Variants in LHFPL3 observed in about 807,000 individuals in gnomAD.
The protein encoded by LHFPL3 is LHFPL tetraspan subfamily member 3.
In LHFPL3, 5 loss-of-function variants were observed where a neutral mutation model predicts 19.3. The observed-to-expected ratio is 0.26, with a 90% CI of 0.14 to 0.54. The LOEUF is 0.54. LHFPL3 is among the 20% of genes least tolerant of loss of function. LHFPL3 has a pLI of 0.94. For synonymous variants in LHFPL3, 133 were observed against 126.2 expected (o/e 1.05, Z -0.36); for missense variants, 249 against 307.4 (o/e 0.81, Z 1.42).
At position 104,343,340 on chromosome 7, in the gene LHFPL3, C is replaced by G. The variant is rs541742838; in HGVS notation, c.445+14116C>G. Among the ~76,000 whole-genome samples the G allele has an allele frequency of 6.3e-4, 95 of 151,436 alleles. 1 individual carries two copies. The highest frequency in any genetic ancestry group is 2.0e-3 in the African/African-American group (84 of 41,330). On this transcript the variant is annotated intron_variant, in intron 1 of 2. Transcript: ENST00000424859. ...CCAGCCTGGCCAACAGAGTGAAACC[C>G]CATCTCTACTAAAAATACAAAAATT...
intron 1 of LHFPL3, among the ~76,000 whole-genome samples, chr7:104,477,158 T>G (rs1793037797): frequency 6.6e-6 from 1 of 152,034 alleles, no homozygotes; most frequent in South Asian, 2.1e-4. Flanking sequence ...CCCAGCTATA[T>G]TTTTAATTTT....
At chr7:104,470,782 C>A (rs183700514) in intron 1 of LHFPL3, among the ~76,000 whole-genome samples, 1 of 152,264 alleles carries the variant, frequency 6.6e-6, no homozygotes, top group East Asian at 1.9e-4. Flanking sequence ...CATGTAGGAG[C>A]CTTTGCCTTG....
intron 1 of LHFPL3, among the ~76,000 whole-genome samples, chr7:104,370,165 T>C (rs1441147023): frequency 2.0e-5 from 3 of 152,118 alleles, no homozygotes; most frequent in Admixed American, 2.0e-4. Context: ...ATTTAGAAGC[T>C]TGGAGAAGGA....
chr7:104,862,103 A>G (rs1261033770), intron 2 of LHFPL3, among the ~76,000 whole-genome samples: 1 of 152,192 alleles, frequency 6.6e-6, no homozygotes, highest in Non-Finnish European at 1.5e-5. Context: ...AAGGGGTAAA[A>G]GGAAATCACC....
chr7:104,778,875 G>C (rs944119337), intron 2 of LHFPL3, among the ~76,000 whole-genome samples: 17 of 152,236 alleles, frequency 1.1e-4, no homozygotes, highest in Non-Finnish European at 7.3e-5. Flanking sequence ...AGAGATGTCA[G>C]AAGGGTTCAG....
chr7:104,640,908 T>C (rs989725875), intron 1 of LHFPL3, among the ~76,000 whole-genome samples: 1 of 152,204 alleles, frequency 6.6e-6, no homozygotes, highest in African/African-American at 2.4e-5. Flanking sequence ...GCTCAGATAT[T>C]ATCAAATATT....
chr7:104,408,793 T>A (rs1206357604), intron 1 of LHFPL3, among the ~76,000 whole-genome samples: 1 of 152,024 alleles, frequency 6.6e-6, no homozygotes, highest in Non-Finnish European at 1.5e-5. Flanking sequence ...AGACTAGCAA[T>A]GTCTGCCTTT....
intron 1 of LHFPL3, among the ~76,000 whole-genome samples, chr7:104,433,689 C>T (rs1792044386): frequency 1.3e-5 from 2 of 152,198 alleles, no homozygotes; most frequent in South Asian, 2.1e-4. Context: ...TTTGCCCCTA[C>T]GGTTCCTTTT....
chr7:104,349,210 A>G (rs2116385181), intron 1 of LHFPL3, among the ~76,000 whole-genome samples: 1 of 152,378 alleles, frequency 6.6e-6, no homozygotes, highest in South Asian at 2.1e-4. Context: ...GTCTCCTTCA[A>G]AATATAGCAG....
chr7:104,362,802 T>C (rs916950999), intron 1 of LHFPL3, among the ~76,000 whole-genome samples: 5 of 152,206 alleles, frequency 3.3e-5, no homozygotes, highest in Non-Finnish European at 7.3e-5. Flanking sequence ...GAATGGAGAA[T>C]GTTGATTAGT....
intron 1 of LHFPL3, among the ~76,000 whole-genome samples, chr7:104,623,892 G>A (rs1411160398): frequency 1.3e-5 from 2 of 152,118 alleles, no homozygotes; most frequent in African/African-American, 4.8e-5. Flanking sequence ...ACACAGATGA[G>A]TCCTGCCCAA....
chr7:104,749,154 G>A (rs1334358563), intron 2 of LHFPL3, among the ~76,000 whole-genome samples: 1 of 152,128 alleles, frequency 6.6e-6, no homozygotes, highest in Non-Finnish European at 1.5e-5. Flanking sequence ...TCTATTTTTT[G>A]TGGCTTAATT....
chr7:104,662,634 T>C (rs1792254749), intron 1 of LHFPL3, among the ~76,000 whole-genome samples: 1 of 152,126 alleles, frequency 6.6e-6, no homozygotes, highest in South Asian at 2.1e-4. Flanking sequence ...CACAAACAAA[T>C]GAGTGAACAA....
chr7:104,681,723 C>T (rs1479562499), intron 1 of LHFPL3, among the ~76,000 whole-genome samples: 1 of 152,116 alleles, frequency 6.6e-6, no homozygotes, highest in Non-Finnish European at 1.5e-5. Flanking sequence ...GGTATTGAGA[C>T]TTAGAGAGTT....
chr7:104,831,915 A>G (rs542902678), intron 2 of LHFPL3, among the ~76,000 whole-genome samples: 2 of 152,052 alleles, frequency 1.3e-5, no homozygotes, highest in East Asian at 3.9e-4. Context: ...GCCTGCCCCA[A>G]TGTCTTAACA....
At chr7:104,624,280 C>T (rs1161586679) in intron 1 of LHFPL3, among the ~76,000 whole-genome samples, 2 of 152,140 alleles carry the variant, frequency 1.3e-5, no homozygotes, top group African/African-American at 2.4e-5. Context: ...GCCCAGAAAC[C>T]CAGTTCTCGG....
intron 1 of LHFPL3, among the ~76,000 whole-genome samples, chr7:104,381,088 G>C (rs1374464137): frequency 6.6e-6 from 1 of 152,176 alleles, no homozygotes; most frequent in East Asian, 1.9e-4. Flanking sequence ...GCAAAGGAAA[G>C]ATCAAGCTAC....
At chr7:104,690,701 C>T (rs976247761) in intron 1 of LHFPL3, among the ~76,000 whole-genome samples, 1 of 152,174 alleles carries the variant, frequency 6.6e-6, no homozygotes, top group Non-Finnish European at 1.5e-5. Context: ...TTGGTCCCTC[C>T]TACAACCAAG....
intron 1 of LHFPL3, among the ~76,000 whole-genome samples, chr7:104,387,077 AC>A (rs1403371321): frequency 1.3e-5 from 2 of 152,232 alleles, no homozygotes; most frequent in Non-Finnish European, 2.9e-5. Context: ...ATCAGCTATT[AC>A]AAATATGTTC....
Sources: gnomAD v4.1 joint callset for allele counts (sites outside exome capture counted in the v4.1 genomes callset) on GRCh38, gnomAD v4.1.1 for gene constraint, MANE v1.5 for transcripts, NCBI Gene and HGNC (gene_info 2026-07-23, HGNC 2026-07-21) for gene names.